RGS6: variants seen among roughly 807,000 people sequenced by gnomAD.
RGS6 encodes the protein regulator of G protein signaling 6, also known as regulator of G-protein signaling 6.
In RGS6, 30 loss-of-function variants were observed where a neutral mutation model predicts 78.5. The ratio of observed to expected loss-of-function variants is 0.38; its 90% CI spans 0.29 to 0.52. RGS6 has a LOEUF of 0.52. Ranked by LOEUF, RGS6 falls within the 20% of genes least tolerant of loss-of-function variation. RGS6 has a pLI of 0.85. For synonymous variants in RGS6, 206 were observed against 206.0 expected, an observed-to-expected ratio of 1.00 and a Z score of 0.00; for missense variants, 495 against 609.7, an observed-to-expected ratio of 0.81 and a Z score of 1.98.
At chr14:72,477,832 CAG>C (rs1169639906) in intron 11 of RGS6, among the ~76,000 whole-genome samples, 1 of 150,946 alleles carries the variant, frequency 6.6e-6, no homozygotes, top group Non-Finnish European at 1.5e-5. Context: ...AAAAACCACA[CAG>C]AAAAAAAGCT....
intron 2 of RGS6, among the ~76,000 whole-genome samples, chr14:72,147,386 G>A (rs542569043): frequency 3.9e-5 from 6 of 152,336 alleles, no homozygotes; most frequent in Middle Eastern, 3.4e-3. Context: ...GAAAGCCAGC[G>A]TCTGGCAAGA....
At chr14:71,885,996 A>G in the RGS6 span, among the ~76,000 whole-genome samples, 1 of 128,102 alleles carries the variant, frequency 7.8e-6, no homozygotes, top group African/African-American at 3.0e-5. Flanking sequence ...CTTCCCCTCC[A>G]TTCCCTTCCC....
chr14:72,145,500 A>G (rs768433142), intron 2 of RGS6, among the ~76,000 whole-genome samples: 11 of 152,266 alleles, frequency 7.2e-5, no homozygotes, highest in Admixed American at 4.6e-4. Flanking sequence ...GGTGGTTTCA[A>G]TGGAGCCTCA....
At chr14:72,406,376 C>T (rs1373934839) in intron 3 of RGS6, among the ~76,000 whole-genome samples, 1 of 150,486 alleles carries the variant, frequency 6.6e-6, no homozygotes, top group Non-Finnish European at 1.5e-5. Context: ...GAGTGAGACT[C>T]CATCTCAAAA....
chr14:71,964,898 G>T (rs374996376), intron 2 of RGS6, 23 bp downstream of exon 2: 4 of 1,593,696 alleles, frequency 2.5e-6, no homozygotes, highest in Non-Finnish European at 3.4e-6. Flanking sequence ...GTCAAGTGCC[G>T]TGCGTGCTGT....
At chr14:72,396,475 T>A (rs1052126880) in intron 3 of RGS6, among the ~76,000 whole-genome samples, 3 of 152,154 alleles carry the variant, frequency 2.0e-5, no homozygotes, top group African/African-American at 7.2e-5. Flanking sequence ...TTGCAAAAAT[T>A]TTCTTCCATT....
intron 2 of RGS6, among the ~76,000 whole-genome samples, chr14:72,229,432 C>T (rs1055711956): frequency 6.6e-6 from 1 of 152,066 alleles, no homozygotes; most frequent in South Asian, 2.1e-4. Flanking sequence ...CCCTCTAAAG[C>T]TAGGGCTTCC....
chr14:72,081,866 T>G (rs977432729), intron 2 of RGS6, among the ~76,000 whole-genome samples: 2 of 152,126 alleles, frequency 1.3e-5, no homozygotes. Flanking sequence ...TTTTTTACTT[T>G]TTTTTTCCTA....
chr14:72,474,515 A>G (rs1338554912), intron 9 of RGS6, 110 bp from the exon 10 acceptor site: 2 of 972,044 alleles, frequency 2.1e-6, no homozygotes, highest in Non-Finnish European at 3.1e-6. Context: ...AAAATCATGC[A>G]TTGTCTGTAA....
intron 2 of RGS6, among the ~76,000 whole-genome samples, chr14:71,965,234 G>T (rs753727494): frequency 6.6e-6 from 1 of 152,244 alleles, no homozygotes; most frequent in Admixed American, 6.5e-5. Context: ...TGCTGTGGGA[G>T]ATAGAGAGGT....
the RGS6 span, among the ~76,000 whole-genome samples, chr14:71,869,264 AGATG>A: frequency 6.6e-6 from 1 of 152,210 alleles, no homozygotes; most frequent in Non-Finnish European, 1.5e-5. Flanking sequence ...TTAGCACTGA[AGATG>A]CTAGCAGCTA....
At chr14:72,279,774 A>G (rs1404790129) in intron 2 of RGS6, among the ~76,000 whole-genome samples, 1 of 152,182 alleles carries the variant, frequency 6.6e-6, no homozygotes, top group Non-Finnish European at 1.5e-5. Context: ...CAAAGAAAGG[A>G]CAAGGGTGGC....
At position 72,204,159 on chromosome 14, in the gene RGS6, A is replaced by C. The variant is rs149908860; in HGVS notation, c.85-147936A>C. On this transcript the variant is annotated intron_variant, in intron 2 of 17. Coordinates refer to ENST00000553525, the MANE Select transcript of RGS6 (RefSeq NM_001204424.2). The stretch of plus-strand genomic sequence containing the variant: ...ACTTTTAGGTGTGCAATTAGGTGGC[A>C]TTAAGTATATTCACTGTGTTTTACA... Among the ~76,000 whole-genome samples the C allele has an allele frequency of 3.5e-4, 53 of 152,304 alleles. No individual in the cohort carries two copies. The East Asian group carries it at 8.1e-3, about 23-fold the overall frequency.
Position 72,481,832 on chromosome 14 carries a change from G to A in RGS6, c.854+3503G>A, listed in dbSNP as rs1200326501. 1.1e-4 allele frequency among the ~76,000 whole-genome samples: 15 copies of A among 140,058 alleles called. 1 individual carries two copies. The highest frequency in any genetic ancestry group is 4.6e-4 in the South Asian group (2 of 4,350). 91.9% of individuals were successfully genotyped at this position (140,058 alleles called of 152,430 possible). A position where few individuals can be genotyped will look rare whatever the true frequency, so the allele number is the denominator to read the frequency against. ...TTTTTTTTTTTTTTTTTTTTGAGAC[G>A]GAGTCTTGCTTTGTTGCCCAGGCTG... On this transcript the variant is annotated intron_variant, in intron 12 of 17. Transcript: ENST00000553525.
the RGS6 span, among the ~76,000 whole-genome samples, chr14:71,920,635 G>GCACACACA: frequency 1.5e-3 from 222 of 151,828 alleles, 1 homozygote; most frequent in African/African-American, 4.9e-3. Context: ...ACACGCGCGT[G>GCACACACA]CACACACACA....
At chr14:72,328,286 A>T (rs1002791217) in intron 2 of RGS6, among the ~76,000 whole-genome samples, 1 of 152,220 alleles carries the variant, frequency 6.6e-6, no homozygotes, top group Non-Finnish European at 1.5e-5. Flanking sequence ...TTTACCAGCT[A>T]TCTGGGCACC....
At chr14:72,183,865 A>G (rs2097205018) in intron 2 of RGS6, among the ~76,000 whole-genome samples, 1 of 152,138 alleles carries the variant, frequency 6.6e-6, no homozygotes, top group Non-Finnish European at 1.5e-5. Flanking sequence ...GGGAATGATG[A>G]TTCTTCATCT....
downstream of RGS6, among the ~76,000 whole-genome samples, chr14:72,568,007 G>A (rs986495025): frequency 3.9e-5 from 6 of 152,328 alleles, no homozygotes; most frequent in Non-Finnish European, 7.3e-5. Flanking sequence ...GTGGAATCTG[G>A]CTTATTTTAA....
At chr14:72,065,785 ATTATAC>A (rs1282595779) in intron 2 of RGS6, among the ~76,000 whole-genome samples, 4 of 151,478 alleles carry the variant, frequency 2.6e-5, no homozygotes, top group South Asian at 2.1e-4. Context: ...TTATTTTTTT[ATTATAC>A]TTTAAGTTTT....
Sources: gnomAD v4.1 joint callset for allele counts (sites outside exome capture counted in the v4.1 genomes callset) on GRCh38, gnomAD v4.1.1 for gene constraint, MANE v1.5 for transcripts, NCBI Gene and HGNC (gene_info 2026-07-23, HGNC 2026-07-21) for gene names.